Variants in PPP2R3A observed in about 807,000 individuals in gnomAD.
The protein encoded by PPP2R3A is protein phosphatase 2 regulatory subunit B''alpha.
In PPP2R3A, 80 loss-of-function variants were observed where a neutral mutation model predicts 106.9. That is an observed-to-expected ratio of 0.75 (90% CI 0.62 to 0.90). PPP2R3A has a LOEUF of 0.90. Ranked by LOEUF, PPP2R3A falls within the 40% of genes least tolerant of loss-of-function variation. The pLI is 0.00. For synonymous variants in PPP2R3A, 483 were observed against 468.3 expected (o/e 1.03, Z -0.41); for missense variants, 1,386 against 1,350.4 (o/e 1.03, Z -0.41).
At chr3:136,142,098 C>T (rs1938895374) in intron 13 of PPP2R3A, among the ~76,000 whole-genome samples, 1 of 152,172 alleles carries the variant, frequency 6.6e-6, no homozygotes, top group African/African-American at 2.4e-5. Context: ...TTGGAAACCA[C>T]AGGTGAGTAG....
intron 5 of PPP2R3A, among the ~76,000 whole-genome samples, chr3:136,052,586 C>T (rs1352991464): frequency 1.3e-5 from 2 of 152,134 alleles, no homozygotes; most frequent in Non-Finnish European, 2.9e-5. Context: ...AATTCTTTTT[C>T]CTGTGGGGAC....
intron 5 of PPP2R3A, among the ~76,000 whole-genome samples, chr3:136,070,127 G>A (rs1211223057): frequency 6.6e-6 from 1 of 152,036 alleles, no homozygotes; most frequent in Non-Finnish European, 1.5e-5. Flanking sequence ...TCCTTTCTGT[G>A]TAAATACACT....
At chr3:136,130,431 A>G (rs1938366516) in intron 13 of PPP2R3A, among the ~76,000 whole-genome samples, 1 of 152,176 alleles carries the variant, frequency 6.6e-6, no homozygotes, top group African/African-American at 2.4e-5. Flanking sequence ...AGAATAAAAT[A>G]CCTAGGAATC....
At chr3:136,087,158 C>T (rs1266988523) in intron 8 of PPP2R3A, among the ~76,000 whole-genome samples, 1 of 152,024 alleles carries the variant, frequency 6.6e-6, no homozygotes, top group Non-Finnish European at 1.5e-5. Flanking sequence ...GAGCCGAGAT[C>T]ACGCCATTGC....
At chr3:136,118,127 C>G (rs1044187091) in intron 13 of PPP2R3A, among the ~76,000 whole-genome samples, 12 of 152,112 alleles carry the variant, frequency 7.9e-5, no homozygotes, top group African/African-American at 2.7e-4. Context: ...TGACAAAAAC[C>G]GCATGGTTAT....
intron 5 of PPP2R3A, chr3:136,055,346 A>G (rs1055064705): frequency 1.1e-6 from 1 of 952,118 alleles, no homozygotes; most frequent in African/African-American, 1.6e-5. Context: ...GATCAACTCT[A>G]AGAGTTTAGT....
intron 7 of PPP2R3A, among the ~76,000 whole-genome samples, chr3:136,080,135 C>G (rs1936733667): frequency 6.6e-6 from 1 of 152,238 alleles, no homozygotes; most frequent in Middle Eastern, 3.4e-3. Flanking sequence ...TATATGGGTT[C>G]ATACTATTCT....
rs1937074847 is a variant in PPP2R3A at position 136,090,712 on chromosome 3, C to CAAAGATTGA, written c.2927+49_2927+50insATTGAAAAG. On this transcript the variant is annotated intron_variant, in intron 10 of 13. Coordinates refer to ENST00000264977, the MANE Select transcript of PPP2R3A (RefSeq NM_002718.5). Reference sequence around the variant, plus strand: ...TTTGCCAAGATGTTAAACACATGCACAAAGCTTGAAAAAGTCATGGTGTAT... The same window carrying CAAAGATTGA: ...TTTGCCAAGATGTTAAACACATGCACAAAGATTGAAAAGCTTGAAAAAGTCATGGTGTAT... 3 of 1,505,332 alleles carry CAAAGATTGA rather than the reference C, an allele frequency of 2.0e-6. No homozygotes were observed. The African/African-American group carries it at 4.1e-5, about 21-fold the overall frequency. 93.2% of individuals were successfully genotyped at this position (1,505,332 alleles called of 1,614,324 possible).
intron 6 of PPP2R3A, among the ~76,000 whole-genome samples, chr3:136,074,274 CTGTT>C (rs1447363979): frequency 6.6e-6 from 1 of 152,130 alleles, no homozygotes; most frequent in African/African-American, 2.4e-5. Context: ...ACAGGAAAGG[CTGTT>C]TGTTTAGTTA....
At chr3:136,097,081 A>G (rs1290884165) in intron 10 of PPP2R3A, among the ~76,000 whole-genome samples, 1 of 152,248 alleles carries the variant, frequency 6.6e-6, no homozygotes, top group African/African-American at 2.4e-5. Flanking sequence ...TATAGCAGAA[A>G]TCTAACACTA....
chr3:136,050,831 G>A (rs1403873340), intron 5 of PPP2R3A, among the ~76,000 whole-genome samples: 1 of 152,020 alleles, frequency 6.6e-6, no homozygotes, highest in Non-Finnish European at 1.5e-5. Flanking sequence ...TTCAAGTAGG[G>A]GTGAGCTCCC....
intron 5 of PPP2R3A, among the ~76,000 whole-genome samples, chr3:136,057,519 G>A: frequency 6.6e-6 from 1 of 151,838 alleles, no homozygotes; most frequent in East Asian, 1.9e-4. Context: ...GAAAGGGGAG[G>A]GAGAAGATGA....
rs1206335696 is a variant in PPP2R3A at position 136,030,778 on chromosome 3, A to ATATATATATATATATATATATG, written c.2262+3683_2262+3684insATATATATATATATATATGTAT. ...TTCCATCACATATATATATATATAT[A>ATATATATATATATATATATATG]TATGTATGTATGTATGTATGTATGT... On this transcript the variant is annotated intron_variant, in intron 3 of 13. Transcript: ENST00000264977. 3.0e-3 allele frequency among the ~76,000 whole-genome samples: 334 copies of ATATATATATATATATATATATG among 111,194 alleles called. 1 individual carries two copies. The highest frequency in any genetic ancestry group is 4.5e-3 in the South Asian group (15 of 3,342). The allele number at this position is 111,194 out of a possible 152,430, so 72.9% of individuals were successfully genotyped here. A position where few individuals can be genotyped will look rare whatever the true frequency, so the allele number is the denominator to read the frequency against.
At chr3:136,144,887 G>C (rs1939046353) in intron 13 of PPP2R3A, among the ~76,000 whole-genome samples, 156 bp from the exon 14 acceptor site, 1 of 152,164 alleles carries the variant, frequency 6.6e-6, no homozygotes, top group Non-Finnish European at 1.5e-5. Flanking sequence ...GCTCTAGAGT[G>C]TTGCCTCCTT....
chr3:136,123,226 A>T (rs779291420), intron 13 of PPP2R3A, among the ~76,000 whole-genome samples: 1 of 152,198 alleles, frequency 6.6e-6, no homozygotes. Context: ...GGAGAGATGG[A>T]CTATATAAAA....
chr3:136,019,904 T>G (rs1576439061), intron 2 of PPP2R3A, among the ~76,000 whole-genome samples: 1 of 152,292 alleles, frequency 6.6e-6, no homozygotes, highest in African/African-American at 2.4e-5. Flanking sequence ...AGGGCAGGCT[T>G]TTAACCACTG....
At chr3:136,071,690 A>G (rs1339188227) in intron 6 of PPP2R3A, among the ~76,000 whole-genome samples, 1 of 152,184 alleles carries the variant, frequency 6.6e-6, no homozygotes, top group Non-Finnish European at 1.5e-5. Context: ...ACCCTGCAGT[A>G]GTTTCCCAGC....
chr3:136,045,876 C>T (rs1449274758), intron 4 of PPP2R3A, among the ~76,000 whole-genome samples: 1 of 152,204 alleles, frequency 6.6e-6, no homozygotes, highest in Non-Finnish European at 1.5e-5. Context: ...GTACAGGATT[C>T]TGGCCACAAA....
intron 5 of PPP2R3A, among the ~76,000 whole-genome samples, chr3:136,061,590 T>G (rs1013812243): frequency 6.6e-6 from 1 of 151,044 alleles, no homozygotes. Flanking sequence ...ATTGCGCCAG[T>G]GCACTCCACC....
Sources: allele counts gnomAD v4.1 joint callset (sites outside exome capture counted in the v4.1 genomes callset), GRCh38; gene constraint gnomAD v4.1.1; transcripts MANE v1.5; gene names NCBI Gene and HGNC (gene_info 2026-07-23, HGNC 2026-07-21).